The following COL11A1 variants were observed in gnomAD, a reference collection of about 807,000 sequenced individuals.
COL11A1 encodes the protein collagen alpha-1(XI) chain.
In COL11A1, 74 loss-of-function variants were observed where a neutral mutation model predicts 265.2. The observed-to-expected ratio is 0.28, with a 90% confidence interval of 0.23 to 0.34. COL11A1 has a LOEUF of 0.34. Ranked by LOEUF, COL11A1 falls within the 10% of genes least tolerant of loss-of-function variation. COL11A1 has a pLI of 1.00. For synonymous variants in COL11A1, 816 were observed against 727.6 expected (o/e 1.12, Z -1.96); for missense variants, 2,165 against 2,263.6 (o/e 0.96, Z 0.88).
intron 1 of COL11A1, among the ~76,000 whole-genome samples, chr1:103,086,126 T>C (rs1205248500): frequency 2.6e-5 from 4 of 152,240 alleles, no homozygotes; most frequent in South Asian, 2.1e-4. Flanking sequence ...TGTTCATATT[T>C]ATTTTAAACT....
intron 22 of COL11A1, 120 bp from the exon 23 acceptor site, chr1:103,002,601 A>G: frequency 9.2e-7 from 1 of 1,092,268 alleles, no homozygotes; most frequent in Non-Finnish European, 1.4e-6. Context: ...GAGATTCTGG[A>G]AAATATTTCA....
chr1:102,922,691 T>C (rs4453063), intron 47 of COL11A1, among the ~76,000 whole-genome samples: 1 of 152,028 alleles, frequency 6.6e-6, no homozygotes, highest in South Asian at 2.1e-4. Context: ...GAGCCACCGC[T>C]CCCGGCCAGC....
intron 4 of COL11A1, among the ~76,000 whole-genome samples, chr1:103,059,396 A>C (rs1252711007): frequency 6.6e-6 from 1 of 151,822 alleles, no homozygotes; most frequent in Admixed American, 6.6e-5. Flanking sequence ...TTACCAACAC[A>C]TAGCTAAGGG....
chr1:103,036,583 G>A (rs34765476), intron 4 of COL11A1, among the ~76,000 whole-genome samples: 12,247 of 151,254 alleles, frequency 0.081, 553 homozygotes, highest in Middle Eastern at 0.16. Flanking sequence ...AAAGAAACTG[G>A]AAAAATTCAA....
chr1:102,933,403 C>T (rs1163324104), intron 46 of COL11A1, among the ~76,000 whole-genome samples: 22 of 148,920 alleles, frequency 1.5e-4, no homozygotes, highest in Middle Eastern at 6.8e-3. Context: ...TTAGGCTGCT[C>T]GGGGGTCAGG....
intron 42 of COL11A1, among the ~76,000 whole-genome samples, chr1:102,943,690 A>G (rs1447339272): frequency 6.6e-6 from 1 of 152,132 alleles, no homozygotes; most frequent in Non-Finnish European, 1.5e-5. Context: ...TTTCTCTGCA[A>G]TTATACACAC....
At chr1:102,969,618 A>G (rs1012334611) in intron 37 of COL11A1, among the ~76,000 whole-genome samples, 1 of 152,194 alleles carries the variant, frequency 6.6e-6, no homozygotes, top group African/African-American at 2.4e-5. Context: ...TGTTATACAC[A>G]TGGTAAGTTG....
chr1:102,964,375 T>C (rs1661197812), intron 38 of COL11A1, among the ~76,000 whole-genome samples: 1 of 152,142 alleles, frequency 6.6e-6, no homozygotes, highest in African/African-American at 2.4e-5. Context: ...AAAGTATATA[T>C]AATGTTTTAA....
intron 37 of COL11A1, among the ~76,000 whole-genome samples, chr1:102,968,141 G>T (rs1188741820): frequency 6.6e-6 from 1 of 152,154 alleles, no homozygotes; most frequent in Non-Finnish European, 1.5e-5. Flanking sequence ...AGTTGTGCTT[G>T]TTCAATATTG....
intron 28 of COL11A1, among the ~76,000 whole-genome samples, chr1:102,991,058 A>AAACC (rs1664080926): frequency 2.0e-5 from 3 of 152,130 alleles, no homozygotes; most frequent in African/African-American, 7.2e-5. Context: ...CAAAACAAAC[A>AAACC]AACAACTGAA....
At chr1:102,922,340 A>C (rs1656078470) in intron 47 of COL11A1, among the ~76,000 whole-genome samples, 1 of 152,212 alleles carries the variant, frequency 6.6e-6, no homozygotes, top group Non-Finnish European at 1.5e-5. Context: ...CATATCTGGA[A>C]AGGAACTTGC....
chr1:102,934,112 C>T (rs892666990), intron 46 of COL11A1, among the ~76,000 whole-genome samples: 2 of 152,162 alleles, frequency 1.3e-5, no homozygotes, highest in Non-Finnish European at 2.9e-5. Flanking sequence ...CTTGGCTCCT[C>T]CTATCTTACT....
At position 103,021,788 on chromosome 1, in the gene COL11A1, A is replaced by G. The variant is rs753482739; in HGVS notation, c.1246-19T>C. 6.5e-7 allele frequency: 1 copy of G among 1,531,512 alleles called. No homozygotes were observed. Among genetic ancestry groups the G allele is most frequent in the East Asian group, 2.2e-5 (1 of 44,472 alleles). 94.9% of individuals were successfully genotyped at this position (1,531,512 alleles called of 1,614,324 possible). A position where few individuals can be genotyped will look rare whatever the true frequency, so the allele number is the denominator to read the frequency against. ...CATTTATCTGTTGAATGAAATATTCAAAACAGCCTAAATGTCTGTAAGACC... is the reference window on the plus strand; with the variant it reads ...CATTTATCTGTTGAATGAAATATTCGAAACAGCCTAAATGTCTGTAAGACC... On this transcript the variant is annotated intron_variant, in intron 8 of 66. Transcript: ENST00000370096.
chr1:103,005,789 A>G (rs1557934312), intron 18 of COL11A1, 49 bp downstream of exon 18: 1 of 1,601,512 alleles, frequency 6.2e-7, no homozygotes, highest in African/African-American at 1.3e-5. Context: ...TATCAATTCT[A>G]AAATATTTTA....
At position 102,912,219 on chromosome 1, in the gene COL11A1, A is replaced by G. The variant is rs765726939; in HGVS notation, c.4033-7T>C. ...CAGATGGGCCAGGAGGACCCTATAA[A>G]ATGTGAAAAAATACCTTTAACAAAA... On this transcript the variant is annotated splice_polypyrimidine_tract_variant and splice_region_variant and intron_variant, in intron 53 of 66. Transcript: ENST00000370096. 1.9e-6 allele frequency: 3 copies of G among 1,603,968 alleles called. No individual in the cohort carries two copies. The Admixed American group carries it at 5.2e-5, about 28-fold the overall frequency.
chr1:102,945,844 T>C (rs181902902), intron 42 of COL11A1, among the ~76,000 whole-genome samples: 2 of 152,162 alleles, frequency 1.3e-5, no homozygotes, highest in Admixed American at 1.3e-4. Context: ...CCCAAAGGAC[T>C]ATAAATCATG....
chr1:102,878,474 TC>T, intron 66 of COL11A1, among the ~76,000 whole-genome samples: 4 of 8,608 alleles, frequency 4.6e-4, no homozygotes, highest in Admixed American at 1.8e-3. Flanking sequence ...TATTGAATCC[TC>T]ATATATATAT....
At chr1:103,017,712 C>T in intron 11 of COL11A1, 108 bp downstream of exon 11, 2 of 935,108 alleles carry the variant, frequency 2.1e-6, no homozygotes, top group Non-Finnish European at 3.5e-6. Flanking sequence ...GCTGCCTTTA[C>T]CCCTCCCACA....
intron 62 of COL11A1, 85 bp downstream of exon 62, chr1:102,888,492 T>G (rs1651295969): frequency 9.9e-6 from 13 of 1,316,652 alleles, no homozygotes; most frequent in Non-Finnish European, 8.7e-6. Context: ...AATGTGCTTT[T>G]TGTCTATCTT....
Sources: allele counts gnomAD v4.1 joint callset (sites outside exome capture counted in the v4.1 genomes callset), GRCh38; gene constraint gnomAD v4.1.1; transcripts MANE v1.5; gene names NCBI Gene and HGNC (gene_info 2026-07-23, HGNC 2026-07-21).